The following TMEM202 variants were observed in gnomAD, a reference collection of about 807,000 sequenced individuals.
The protein encoded by TMEM202 is transmembrane protein 202.
Under a neutral mutation model 26.1 loss-of-function variants are expected in TMEM202, and 25 were observed. The observed-to-expected ratio is 0.96, with a 90% CI of 0.70 to 1.34. The LOEUF (loss-of-function observed/expected upper bound fraction) is 1.34, where lower values mean the gene tolerates loss of function less well. TMEM202 is among the 40% of genes most tolerant of loss of function. The pLI is 0.00. For missense variants in TMEM202, 301 were observed against 327.7 expected, an observed-to-expected ratio of 0.92 and a Z score of 0.63; for synonymous variants, 122 against 119.0, an observed-to-expected ratio of 1.02 and a Z score of -0.16.
At chr15:72,406,880 C>T (rs1311399406) in intron 3 of TMEM202, 129 bp downstream of exon 3, 13 of 1,204,118 alleles carry the variant, frequency 1.1e-5, no homozygotes. Context: ...AACTTGCCAG[C>T]TATCTGCCTT....
Position 72,400,143 on chromosome 15 carries a change from G to A in TMEM202, c.337+1235G>A, listed in dbSNP as rs529396447. On this transcript the variant is annotated intron_variant, in intron 2 of 4. Transcript: ENST00000341689. ...ACAATTATGAAAGATAAAGGTTAAT[G>A]GCCTTAATATAGTAAAAGGATACAC... Among the ~76,000 whole-genome samples the A allele has an allele frequency of 4.6e-5, 7 of 152,260 alleles. No individual in the cohort carries two copies. In the East Asian group the frequency reaches 1.2e-3, roughly 25 times the overall value.
rs1213669559 is a variant in TMEM202, at chr15:72,406,725, A to G, written c.461A>G (p.Lys154Arg). The change falls in exon 3 of 5, where the codon AAG (lysine) becomes AGG (arginine). Residue 154 changes from lysine to arginine, a missense_variant. Coordinates refer to ENST00000341689, the MANE Select transcript of TMEM202 (RefSeq NM_001080462.3). ...RGSMTTNLDL[K>R]VSMLSFISAT... ...AGCATGACCACCAACTTGGATCTGA[A>G]GGTATCCATGCTCAGCTTCATCTCA... is the stretch of plus-strand genomic sequence containing the variant. 6.2e-7 allele frequency: 1 copy of G among 1,614,012 alleles called. No individual in the cohort carries two copies. Among genetic ancestry groups the G allele is most frequent in the Non-Finnish European group, 8.5e-7 (1 of 1,180,012 alleles).
chr15:72,400,889 G>A (rs1567315221), intron 2 of TMEM202, among the ~76,000 whole-genome samples: 1 of 152,206 alleles, frequency 6.6e-6, no homozygotes, highest in African/African-American at 2.4e-5. Flanking sequence ...ATATTCATAA[G>A]TTTTTGGGGA....
At chr15:72,399,001 T>A in intron 2 of TMEM202, 93 bp downstream of exon 2, 5 of 1,478,580 alleles carry the variant, frequency 3.4e-6, no homozygotes, top group Non-Finnish European at 4.6e-6. Flanking sequence ...TCCTCCAAGA[T>A]CTTTTGGCCT....
Position 72,408,077 on chromosome 15 carries a change from T to C in TMEM202, c.*184T>C. On this transcript the variant is annotated 3_prime_UTR_variant, in exon 5 of 5. Transcript: ENST00000341689. ...ATATATATGATAGTCATAAAGTAAA[T>C]AACTCACTTAAGAAAAACATTTCTA... 1.7e-6 allele frequency: 1 copy of C among 572,208 alleles called. No homozygotes were observed. Among genetic ancestry groups the C allele is most frequent in the South Asian group, 2.3e-5 (1 of 43,850 alleles). The allele number at this position is 572,208 out of a possible 1,614,324, so 35.4% of individuals were successfully genotyped here. A position where few individuals can be genotyped will look rare whatever the true frequency, so the allele number is the denominator to read the frequency against.
chr15:72,406,248 T>A (rs2063570717), intron 2 of TMEM202, among the ~76,000 whole-genome samples: 1 of 152,180 alleles, frequency 6.6e-6, no homozygotes, highest in South Asian at 2.1e-4. Context: ...GTGGCTAATT[T>A]TTTTCCTGCT....
intron 2 of TMEM202, among the ~76,000 whole-genome samples, chr15:72,400,378 A>T (rs1486964942): frequency 6.6e-6 from 1 of 152,222 alleles, no homozygotes. Context: ...TCACTCCCAT[A>T]CGCATTCCTG....
At chr15:72,405,555 C>T (rs1436553223) in intron 2 of TMEM202, among the ~76,000 whole-genome samples, 3 of 151,948 alleles carry the variant, frequency 2.0e-5, no homozygotes, top group Admixed American at 6.6e-5. Context: ...AGGTGTGGCA[C>T]TTGGATAAGA....
At chr15:72,407,265 CT>C in intron 4 of TMEM202, 48 bp downstream of exon 4, 1 of 1,602,070 alleles carries the variant, frequency 6.2e-7, no homozygotes, top group Non-Finnish European at 8.5e-7. Context: ...AGGGAAATCG[CT>C]TCTGGAAAGG....
rs765050947 is a variant in TMEM202, at chr15:72,406,695, G to A, written c.431G>A (p.Arg144Gln). Residue 144 changes from arginine to glutamine, a missense_variant, in exon 3 of 5, where the codon CGA becomes CAA. Transcript: ENST00000341689. ...CTCTTCAGCTCTTGGATCCTTAATC[G>A]AGGAAGCATGACCACCAACTTGGAT... ...GWLFSSWILN[R>Q]GSMTTNLDLK... 1.4e-5 allele frequency: 23 copies of A among 1,613,786 alleles called. No homozygotes were observed. Among genetic ancestry groups the A allele is most frequent in the East Asian group, 4.5e-5 (2 of 44,888 alleles).
At chr15:72,399,570 A>G (rs1331108200) in intron 2 of TMEM202, among the ~76,000 whole-genome samples, 2 of 152,228 alleles carry the variant, frequency 1.3e-5, no homozygotes, top group Non-Finnish European at 2.9e-5. Flanking sequence ...CCTCTATTAG[A>G]TTTAACTTTC....
intron 3 of TMEM202, 54 bp downstream of exon 3, chr15:72,406,805 A>T: frequency 6.3e-7 from 1 of 1,577,810 alleles, no homozygotes; most frequent in Non-Finnish European, 8.7e-7. Flanking sequence ...TCAAGGTAAC[A>T]AATTTTCTCT....
intron 2 of TMEM202, among the ~76,000 whole-genome samples, chr15:72,403,600 AT>A (rs1184128429): frequency 1.3e-5 from 2 of 152,200 alleles, no homozygotes; most frequent in Non-Finnish European, 2.9e-5. Context: ...AGATCCTAAG[AT>A]TTTTGAAACT....
chr15:72,407,291 G>A (rs1402001906), intron 4 of TMEM202, 74 bp downstream of exon 4: 5 of 1,531,012 alleles, frequency 3.3e-6, no homozygotes, highest in African/African-American at 1.4e-5. Context: ...TATAATCCAG[G>A]AGAAATAGAA....
In TMEM202 at chr15:72,407,971, C is replaced by A; in HGVS notation, c.*78C>A. On this transcript the variant is annotated 3_prime_UTR_variant, in exon 5 of 5. Coordinates refer to ENST00000341689, the MANE Select transcript of TMEM202 (RefSeq NM_001080462.3). ...GAATGGTCACATAAATTCTGGGAAACTCTCCTAATATCATGTCCATATTAC... is the reference window on the plus strand; with the variant it reads ...GAATGGTCACATAAATTCTGGGAAAATCTCCTAATATCATGTCCATATTAC... The A allele has an allele frequency of 8.3e-7, 1 of 1,202,186 alleles. No individual in the cohort carries two copies. The highest frequency in any genetic ancestry group is 1.2e-6 in the Non-Finnish European group (1 of 841,626). The allele number at this position is 1,202,186 out of a possible 1,614,324, so 74.5% of individuals were successfully genotyped here.
In TMEM202 at chr15:72,407,690, G is replaced by A; in HGVS notation, c.620-1G>A. On this transcript the variant is annotated splice_acceptor_variant, in intron 4 of 4. Transcript: ENST00000341689. LOFTEE classifies it high-confidence loss of function. The stretch of plus-strand genomic sequence containing the variant: ...CACCTCAAATTATTCCCTTCCCGTA[G>A]GGATCATCTCTCTTCTCAACTACTT... The A allele has an allele frequency of 1.9e-6, 3 of 1,613,748 alleles. No individual in the cohort carries two copies. The highest frequency in any genetic ancestry group is 2.5e-6 in the Non-Finnish European group (3 of 1,179,714).
At chr15:72,399,345 G>A (rs1454671263) in intron 2 of TMEM202, among the ~76,000 whole-genome samples, 1 of 152,006 alleles carries the variant, frequency 6.6e-6, no homozygotes. Context: ...GTAGAGACAA[G>A]TTCTCATTAT....
chr15:72,402,876 G>A (rs1399788255), intron 2 of TMEM202, among the ~76,000 whole-genome samples: 1 of 152,102 alleles, frequency 6.6e-6, no homozygotes, highest in Non-Finnish European at 1.5e-5. Flanking sequence ...CCTCTTCAGG[G>A]TCCTAAGTCT....
At chr15:72,404,708 C>T (rs911508037) in intron 2 of TMEM202, among the ~76,000 whole-genome samples, 2 of 152,124 alleles carry the variant, frequency 1.3e-5, no homozygotes, top group African/African-American at 4.8e-5. Flanking sequence ...AGAGGAAATC[C>T]AATTTCTAAG....
Sources: gnomAD v4.1 joint callset for allele counts (sites outside exome capture counted in the v4.1 genomes callset) on GRCh38, gnomAD v4.1.1 for gene constraint, MANE v1.5 for transcripts, NCBI Gene and HGNC (gene_info 2026-07-23, HGNC 2026-07-21) for gene names.